PFKFB3: variants seen among roughly 807,000 people sequenced by gnomAD.
PFKFB3 encodes the protein 6-phosphofructo-2-kinase/fructose-2,6-biphosphatase 3, also known as 6-phosphofructo-2-kinase/fructose-2,6-bisphosphatase 3.
A neutral mutation model predicts 68.0 loss-of-function variants in PFKFB3; 33 were observed. The observed-to-expected ratio is 0.49, with a 90% confidence interval of 0.37 to 0.65. The LOEUF (loss-of-function observed/expected upper bound fraction) is 0.65, where lower values mean the gene tolerates loss of function less well. Ranked by LOEUF, PFKFB3 falls within the 30% of genes least tolerant of loss-of-function variation. The pLI is 0.00. For missense variants in PFKFB3, 586 were observed against 712.2 expected, an observed-to-expected ratio of 0.82 and a Z score of 2.02; for synonymous variants, 315 against 288.2, an observed-to-expected ratio of 1.09 and a Z score of -0.94.
At chr10:6,283,732 C>G in the PFKFB3 span, among the ~76,000 whole-genome samples, 762 of 152,268 alleles carry the variant, frequency 5.0e-3, 5 homozygotes, top group African/African-American at 0.017. Context: ...GTTCAAGTAA[C>G]GTGAGCATGC....
chr10:6,307,607 T>A, the PFKFB3 span, among the ~76,000 whole-genome samples: 1 of 148,792 alleles, frequency 6.7e-6, no homozygotes, highest in Non-Finnish European at 1.5e-5. Flanking sequence ...TCCCTTTCCT[T>A]CTTTCTTTCT....
the PFKFB3 span, among the ~76,000 whole-genome samples, chr10:6,278,186 G>C: frequency 1.3e-5 from 2 of 152,202 alleles, no homozygotes. Context: ...AAAGTGCTGG[G>C]ATTACAGGCG....
chr10:6,175,837 T>C (rs1285069631), intron 1 of PFKFB3, among the ~76,000 whole-genome samples: 2 of 152,060 alleles, frequency 1.3e-5, no homozygotes, highest in Non-Finnish European at 2.9e-5. Context: ...TTAGTTAGAG[T>C]GGCTAACAAG....
chr10:6,231,843 T>TGGGCACCCATCACCTCCTGGC (rs1381329749), intron 14 of PFKFB3, among the ~76,000 whole-genome samples: 17 of 149,090 alleles, frequency 1.1e-4, no homozygotes, highest in South Asian at 4.3e-4. Flanking sequence ...CACCTCCCGG[T>TGGGCACCCATCACCTCCTGGC]GGGCACCCAT....
the PFKFB3 span, among the ~76,000 whole-genome samples, chr10:6,325,707 T>C: frequency 2.0e-5 from 3 of 152,228 alleles, no homozygotes; most frequent in East Asian, 3.8e-4. Context: ...CAATTTAAAA[T>C]AGGGTATAAA....
chr10:6,225,213 C>A (rs960179548), intron 13 of PFKFB3: 2 of 456,218 alleles, frequency 4.4e-6, no homozygotes, highest in Non-Finnish European at 8.8e-6. Flanking sequence ...TCTCTTAGAC[C>A]GAGCGTGACT....
downstream of PFKFB3, among the ~76,000 whole-genome samples, chr10:6,237,582 T>G (rs1337283465): frequency 6.6e-6 from 1 of 152,264 alleles, no homozygotes. Context: ...TAAAGTTTGT[T>G]TTTTGAGACA....
chr10:6,215,168 C>A lies in PFKFB3; in HGVS notation c.203-53C>A. 1.4e-6 allele frequency: 2 copies of A among 1,471,408 alleles called. No homozygotes were observed. Among genetic ancestry groups the A allele is most frequent in the Non-Finnish European group, 1.9e-6 (2 of 1,051,644 alleles). The allele number at this position is 1,471,408 out of a possible 1,614,324, so 91.1% of individuals were successfully genotyped here. ...GTCGATCCTATGGTCCCGGTGTGAG[C>A]TGGCCCCTTCCTCCTGCTCGATCAT... On this transcript the variant is annotated intron_variant, in intron 2 of 14. Transcript: ENST00000379775. This position sits in a 1 kb window ranked among gnomAD's most constrained non-coding sequence, Gnocchi z 4.3.
At chr10:6,310,849 A>G in the PFKFB3 span, among the ~76,000 whole-genome samples, 1 of 152,234 alleles carries the variant, frequency 6.6e-6, no homozygotes, top group Non-Finnish European at 1.5e-5. Flanking sequence ...GAGATAAGTG[A>G]TAGAACTATA....
chr10:6,224,130 C>T lies in PFKFB3; in HGVS notation c.1277-19C>T. The T allele has an allele frequency of 3.1e-6, 5 of 1,614,120 alleles. No homozygotes were observed. Among genetic ancestry groups the T allele is most frequent in the Non-Finnish European group, 4.2e-6 (5 of 1,179,912 alleles). On this transcript the variant is annotated intron_variant, in intron 12 of 14. Transcript: ENST00000379775. ...CCCTTTAACAGCAGCTTCCTCTGCC[C>T]CCATCCCACGCCCTCCAGGCTGCCG...
the PFKFB3 span, among the ~76,000 whole-genome samples, chr10:6,321,694 A>G: frequency 6.6e-6 from 1 of 152,114 alleles, no homozygotes; most frequent in Non-Finnish European, 1.5e-5. Flanking sequence ...GTTGAACCCA[A>G]TGATCTACTT....
intron 10 of PFKFB3, 79 bp from the exon 11 acceptor site, chr10:6,222,776 G>A (rs932254499): frequency 6.7e-7 from 1 of 1,484,804 alleles, no homozygotes; most frequent in Non-Finnish European, 9.1e-7. Flanking sequence ...TCTCTGGCCG[G>A]TCTGATGCAG....
chr10:6,256,497 C>G (rs780151508), downstream of PFKFB3, among the ~76,000 whole-genome samples: 1 of 152,208 alleles, frequency 6.6e-6, no homozygotes, highest in Admixed American at 6.5e-5. Context: ...AAATTCAGGT[C>G]TGCAGCGCCT....
At chr10:6,290,701 AC>A in the PFKFB3 span, among the ~76,000 whole-genome samples, 1 of 151,956 alleles carries the variant, frequency 6.6e-6, no homozygotes, top group Non-Finnish European at 1.5e-5. Flanking sequence ...ACGGGGTTTC[AC>A]CATGTTGGCT....
At chr10:6,193,097 TC>T (rs1259636862) in intron 1 of PFKFB3, among the ~76,000 whole-genome samples, 11 of 152,300 alleles carry the variant, frequency 7.2e-5, no homozygotes, top group Admixed American at 2.0e-4. Flanking sequence ...ATGCCTGTAA[TC>T]CCATCACTTT....
chr10:6,170,246 A>T (rs1292747082), intron 1 of PFKFB3, among the ~76,000 whole-genome samples: 1 of 152,244 alleles, frequency 6.6e-6, no homozygotes, highest in Non-Finnish European at 1.5e-5. Context: ...CCATAGCTTG[A>T]CTAGTCACTT....
chr10:6,317,899 T>A, the PFKFB3 span, among the ~76,000 whole-genome samples: 1 of 152,280 alleles, frequency 6.6e-6, no homozygotes, highest in South Asian at 2.1e-4. Flanking sequence ...TAGCCAGTGA[T>A]TTAAGTTTGG....
chr10:6,315,241 G>A, the PFKFB3 span, among the ~76,000 whole-genome samples: 1 of 152,176 alleles, frequency 6.6e-6, no homozygotes, highest in African/African-American at 2.4e-5. Flanking sequence ...GAGAGGGGCT[G>A]CCCAGCGGTG....
At chr10:6,293,829 T>C in the PFKFB3 span, 2 of 403,350 alleles carry the variant, frequency 5.0e-6, no homozygotes, top group Non-Finnish European at 1.0e-5. Flanking sequence ...TTTGGAGTAC[T>C]TGGTTCCCAA....
Sources: gnomAD v4.1 joint callset for allele counts (sites outside exome capture counted in the v4.1 genomes callset) on GRCh38, gnomAD v4.1.1 for gene constraint, Gnocchi (gnomAD v3.1) non-coding constraint, MANE v1.5 for transcripts, NCBI Gene and HGNC (gene_info 2026-07-23, HGNC 2026-07-21) for gene names.